KANK1: variants seen among roughly 807,000 people sequenced by gnomAD.
The protein encoded by KANK1 is KN motif and ankyrin repeat domain-containing protein 1.
Under a neutral mutation model 106.2 loss-of-function variants are expected in KANK1, and 109 were observed. That is an observed-to-expected ratio of 1.03 (90% CI 0.88 to 1.20). The LOEUF (loss-of-function observed/expected upper bound fraction) is 1.20, where lower values mean the gene tolerates loss of function less well. KANK1 is among the 50% of genes most tolerant of loss of function. The pLI, the probability that KANK1 is intolerant of heterozygous loss-of-function variation, is 0.00. For synonymous variants in KANK1, 873 were observed against 652.2 expected, an observed-to-expected ratio of 1.34 and a Z score of -5.16; for missense variants, 2,399 against 1,710.7, an observed-to-expected ratio of 1.40 and a Z score of -7.10.
chr9:580,033 A>T (rs1821632373), intron 1 of KANK1, among the ~76,000 whole-genome samples: 3 of 152,118 alleles, frequency 2.0e-5, no homozygotes, highest in African/African-American at 7.2e-5. Flanking sequence ...CCTTGCGGTG[A>T]GTGTTACAGT....
chr9:743,607 G>T (rs1293336392), intron 10 of KANK1, among the ~76,000 whole-genome samples: 9 of 152,188 alleles, frequency 5.9e-5, no homozygotes, highest in Admixed American at 5.9e-4. Context: ...GGTCACTCCT[G>T]TAATTCCAGC....
rs973880137 is a variant in KANK1 at position 617,551 on chromosome 9, C to G, written c.-83-59339C>G. Among the ~76,000 whole-genome samples, 6 of 152,262 alleles carry G rather than the reference C, an allele frequency of 3.9e-5. No individual in the cohort carries two copies. In the East Asian group the frequency reaches 5.8e-4, roughly 15 times the overall value. On this transcript the variant is annotated intron_variant, in intron 1 of 11. Transcript: ENST00000382297. ...CTGAAGGCAGCCTGGCAGGCAGAGC[C>G]CAGTATCACCTTTACAGCTACTTGA...
chr9:614,668 C>T (rs1831376642), intron 1 of KANK1, among the ~76,000 whole-genome samples: 1 of 152,138 alleles, frequency 6.6e-6, no homozygotes, highest in Admixed American at 6.5e-5. Context: ...GTAACACTCC[C>T]ATGCATTTCC....
intron 3 of KANK1, among the ~76,000 whole-genome samples, chr9:718,643 TC>T (rs1263368326): frequency 6.6e-6 from 1 of 152,022 alleles, no homozygotes; most frequent in Non-Finnish European, 1.5e-5. Context: ...ATTGTGGACT[TC>T]CATGGCCTCC....
At chr9:489,785 A>G (rs182602624) in intron 3 of KANK1, among the ~76,000 whole-genome samples, 137 of 152,336 alleles carry the variant, frequency 9.0e-4, no homozygotes, top group Non-Finnish European at 7.4e-5. Context: ...AATAGTATCA[A>G]TGAGACTGTT....
chr9:618,144 GC>G (rs1303849038), intron 1 of KANK1, among the ~76,000 whole-genome samples: 1 of 152,140 alleles, frequency 6.6e-6, no homozygotes, highest in Non-Finnish European at 1.5e-5. Context: ...ACAGGTTAAA[GC>G]CCATGTAATA....
intron 1 of KANK1, among the ~76,000 whole-genome samples, chr9:603,489 T>A (rs1332287726): frequency 6.6e-6 from 1 of 151,842 alleles, no homozygotes; most frequent in Non-Finnish European, 1.5e-5. Flanking sequence ...TCTTGGTGCC[T>A]TTAGACCTAG....
chr9:692,753 G>A (rs1179899855), intron 2 of KANK1, among the ~76,000 whole-genome samples: 2 of 151,756 alleles, frequency 1.3e-5, no homozygotes, highest in Non-Finnish European at 2.9e-5. Context: ...GGTGGTTCAT[G>A]CCTGTAATCC....
intron 2 of KANK1, among the ~76,000 whole-genome samples, chr9:687,237 C>G (rs376678349): frequency 6.6e-6 from 1 of 152,074 alleles, no homozygotes; most frequent in Non-Finnish European, 1.5e-5. Context: ...CCCGAGGCTG[C>G]GAGCATTGGT....
chr9:518,347 A>G (rs1245852196), intron 1 of KANK1, among the ~76,000 whole-genome samples: 1 of 151,600 alleles, frequency 6.6e-6, no homozygotes, highest in Non-Finnish European at 1.5e-5. Flanking sequence ...CTCCGCTCCC[A>G]GGCTGGGTTG....
chr9:556,553 G>A (rs1402505634), intron 1 of KANK1, among the ~76,000 whole-genome samples: 1 of 152,108 alleles, frequency 6.6e-6, no homozygotes, highest in Admixed American at 6.6e-5. Context: ...ATGACTATGC[G>A]GTTTTGCTTT....
At chr9:636,501 C>G (rs970452199) in intron 1 of KANK1, among the ~76,000 whole-genome samples, 1 of 152,152 alleles carries the variant, frequency 6.6e-6, no homozygotes, top group Non-Finnish European at 1.5e-5. Flanking sequence ...GAGGCTCAGT[C>G]AGTTCCCATC....
At chr9:737,959 G>A (rs117155920) in intron 7 of KANK1, among the ~76,000 whole-genome samples, 4 of 152,324 alleles carry the variant, frequency 2.6e-5, no homozygotes, top group Non-Finnish European at 5.9e-5. Context: ...ATGAGGAAAC[G>A]GAAGCAGAAT....
At chr9:572,116 T>C (rs1011550170) in intron 1 of KANK1, among the ~76,000 whole-genome samples, 8 of 151,240 alleles carry the variant, frequency 5.3e-5, no homozygotes, top group Non-Finnish European at 1.0e-4. Context: ...CCTCCACTAA[T>C]ACAACTCTTA....
At chr9:496,592 A>G (rs901092275) in intron 3 of KANK1, among the ~76,000 whole-genome samples, 10 of 152,202 alleles carry the variant, frequency 6.6e-5, no homozygotes, top group Non-Finnish European at 2.9e-5. Flanking sequence ...TCATAAATAA[A>G]TAAATGAAAG....
In KANK1 at chr9:504,716, G is replaced by T. The variant is rs934506455; in HGVS notation, c.-122G>T. On this transcript the variant is annotated 5_prime_UTR_variant, in exon 1 of 12. Transcript: ENST00000382297. The stretch of plus-strand genomic sequence containing the variant: ...CCCCGAGCTCCGGGTCCGCGGCGGA[G>T]CGAGCGAGCGGCCGGCAGGTTGGGA... 2.0e-5 allele frequency: 3 copies of T among 147,768 alleles called. No individual in the cohort carries two copies. The highest frequency in any genetic ancestry group is 7.4e-5 in the African/African-American group (3 of 40,816). The allele number at this position is 147,768 out of a possible 1,614,324, so 9.2% of individuals were successfully genotyped here. A position where few individuals can be genotyped will look rare whatever the true frequency, so the allele number is the denominator to read the frequency against.
At chr9:744,668 G>A (rs746266022) in intron 11 of KANK1, 79 bp downstream of exon 11, 110 of 1,611,420 alleles carry the variant, frequency 6.8e-5, no homozygotes, top group South Asian at 2.9e-4. Context: ...AGGAATTGAC[G>A]GGAGACAGAT....
chr9:681,741 C>T lies in KANK1; in HGVS notation c.37+4732C>T, dbSNP rs563059229. 7.2e-5 allele frequency among the ~76,000 whole-genome samples: 11 copies of T among 152,224 alleles called. No individual in the cohort carries two copies. In the South Asian group the frequency reaches 1.7e-3, roughly 23 times the overall value. On this transcript the variant is annotated intron_variant, in intron 2 of 11. Coordinates refer to ENST00000382297, the MANE Select transcript of KANK1 (RefSeq NM_015158.5). Reference sequence around the variant, plus strand: ...TACCCTCATGTCAGGCCCTGCTGGACGCCATGATATTGGGGCCAGAGTTGT... The same window carrying T: ...TACCCTCATGTCAGGCCCTGCTGGATGCCATGATATTGGGGCCAGAGTTGT...
At chr9:741,485 G>A (rs1458516176) in intron 9 of KANK1, among the ~76,000 whole-genome samples, 2 of 110,618 alleles carry the variant, frequency 1.8e-5, no homozygotes, top group Non-Finnish European at 3.4e-5. Flanking sequence ...CACCACACCT[G>A]GCTTTTTTTT....
Sources: gnomAD v4.1 joint callset for allele counts (sites outside exome capture counted in the v4.1 genomes callset) on GRCh38, gnomAD v4.1.1 for gene constraint, MANE v1.5 for transcripts, NCBI Gene and HGNC (gene_info 2026-07-23, HGNC 2026-07-21) for gene names.